The following TMEM154 variants were observed in gnomAD, a reference collection of about 807,000 sequenced individuals.
TMEM154 encodes the protein transmembrane protein 154.
Under a neutral mutation model 24.5 loss-of-function variants are expected in TMEM154, and 27 were observed. That is an observed-to-expected ratio of 1.10 (90% CI 0.81 to 1.52). The LOEUF is 1.52. Among genes scored for constraint, TMEM154 ranks in the 40% most tolerant of loss-of-function variants. The pLI is 0.00. For missense variants in TMEM154, 228 were observed against 213.4 expected, an observed-to-expected ratio of 1.07 and a Z score of -0.43; for synonymous variants, 67 against 76.8, an observed-to-expected ratio of 0.87 and a Z score of 0.67.
chr4:152,642,981 T>A (rs576111336), intron 5 of TMEM154, 107 bp downstream of exon 5: 5 of 800,086 alleles, frequency 6.2e-6, no homozygotes, highest in Non-Finnish European at 1.0e-5. Context: ...AATGTGGGAT[T>A]GGGTTCTTCT....
Position 152,679,979 on chromosome 4 carries a change from T to C in TMEM154, c.-46A>G. On this transcript the variant is annotated 5_prime_UTR_variant, in exon 1 of 7. Coordinates refer to ENST00000304385, the MANE Select transcript of TMEM154 (RefSeq NM_152680.3). Reference sequence around the variant, plus strand: ...GCGCGCTCAGGATGCTGCGCCGGGCTGCAGCCTCTCTGAAACGTGAACATT... The same window carrying C: ...GCGCGCTCAGGATGCTGCGCCGGGCCGCAGCCTCTCTGAAACGTGAACATT... 6.5e-7 allele frequency: 1 copy of C among 1,547,648 alleles called. No individual in the cohort carries two copies. Among genetic ancestry groups the C allele is most frequent in the Non-Finnish European group, 8.8e-7 (1 of 1,133,114 alleles).
intron 3 of TMEM154, among the ~76,000 whole-genome samples, chr4:152,650,571 C>G (rs1728357951): frequency 6.6e-6 from 1 of 152,172 alleles, no homozygotes; most frequent in African/African-American, 2.4e-5. Flanking sequence ...GTCTTGGAAT[C>G]AACGTCTTCC....
intron 1 of TMEM154, among the ~76,000 whole-genome samples, chr4:152,665,245 C>T (rs1442725492): frequency 3.3e-5 from 5 of 152,136 alleles, no homozygotes; most frequent in Admixed American, 6.5e-5. Context: ...GGGGTAGAAC[C>T]CAGGTCTCAA....
chr4:152,644,536 G>C, intron 3 of TMEM154, 94 bp from the exon 4 acceptor site: 2 of 1,224,132 alleles, frequency 1.6e-6, no homozygotes, highest in South Asian at 2.5e-5. Context: ...TACAAAGAGA[G>C]CAAAATGACA....
intron 6 of TMEM154, among the ~76,000 whole-genome samples, chr4:152,639,591 C>G (rs1358471467): frequency 1.3e-5 from 2 of 151,472 alleles, no homozygotes; most frequent in Admixed American, 6.6e-5. Context: ...TCTCTCTCCC[C>G]CTCTCTCTCC....
At chr4:152,667,511 C>A (rs533423161) in intron 1 of TMEM154, among the ~76,000 whole-genome samples, 1 of 152,154 alleles carries the variant, frequency 6.6e-6, no homozygotes, top group East Asian at 1.9e-4. Flanking sequence ...GAGCAGGACT[C>A]GAGAAGAGGA....
At chr4:152,654,938 T>C (rs369948454) in intron 1 of TMEM154, among the ~76,000 whole-genome samples, 1 of 152,182 alleles carries the variant, frequency 6.6e-6, no homozygotes, top group Admixed American at 6.5e-5. Flanking sequence ...ATAATCCCTT[T>C]AGTAAATGCA....
chr4:152,648,140 A>G (rs1579519559), intron 3 of TMEM154, among the ~76,000 whole-genome samples: 2 of 152,308 alleles, frequency 1.3e-5, no homozygotes, highest in South Asian at 4.1e-4. Flanking sequence ...CACAGAAGAG[A>G]TGGTAATTAA....
At chr4:152,656,857 G>A (rs1317885351) in intron 1 of TMEM154, among the ~76,000 whole-genome samples, 3 of 151,808 alleles carry the variant, frequency 2.0e-5, no homozygotes, top group Non-Finnish European at 4.4e-5. Context: ...GGAGGTGGAG[G>A]TTGCGGTGAG....
intron 6 of TMEM154, among the ~76,000 whole-genome samples, chr4:152,632,292 A>G (rs1752060653): frequency 6.6e-6 from 1 of 152,060 alleles, no homozygotes; most frequent in Non-Finnish European, 1.5e-5. Flanking sequence ...TTCCCCCCAA[A>G]TGTTAGTCAG....
intron 1 of TMEM154, 62 bp downstream of exon 1, chr4:152,679,808 T>C: frequency 6.4e-7 from 1 of 1,567,970 alleles, no homozygotes. Context: ...TTCTGTAGCC[T>C]CGGGCACCCT....
chr4:152,633,289 C>T (rs1752085774), intron 6 of TMEM154, among the ~76,000 whole-genome samples: 1 of 152,216 alleles, frequency 6.6e-6, no homozygotes, highest in Non-Finnish European at 1.5e-5. Flanking sequence ...GGACATCAGG[C>T]CACTCCCAGA....
Position 152,618,929 on chromosome 4 carries a change from T to C in TMEM154, c.*9617A>G, listed in dbSNP as rs1220303789. On this transcript the variant is annotated 3_prime_UTR_variant, in exon 7 of 7. Coordinates refer to ENST00000304385, the MANE Select transcript of TMEM154 (RefSeq NM_152680.3). ...GAAAATGGTGATGGAAGATGAACAA[T>C]ACCATATTTGAGTTCTGCACTCACT... The C allele has an allele frequency of 6.6e-6, 1 of 152,196 alleles. No individual in the cohort carries two copies. Among genetic ancestry groups the C allele is most frequent in the East Asian group, 1.9e-4 (1 of 5,192 alleles). The allele number at this position is 152,196 out of a possible 1,614,324, so 9.4% of individuals were successfully genotyped here.
Position 152,652,766 on chromosome 4 carries a change from ACT to A in TMEM154, c.224_225del (p.Glu75ValfsTer27), listed in dbSNP as rs1728412065. 3 of 1,613,812 alleles carry A rather than the reference ACT, an allele frequency of 1.9e-6. No homozygotes were observed. The highest frequency in any genetic ancestry group is 1.1e-5 in the South Asian group (1 of 91,078). ...TNFAPDENQL[E>X]FILMVLIPLI... ...AATGGGATTAACACCATCAGTATAA[ACT>A]CTAACTGATTTTCATCCGGAGCAAA... On this transcript the variant is annotated frameshift_variant, in exon 2 of 7. Transcript: ENST00000304385. LOFTEE classifies it high-confidence loss of function.
At chr4:152,636,914 A>T (rs1185449270) in intron 6 of TMEM154, among the ~76,000 whole-genome samples, 11 of 152,216 alleles carry the variant, frequency 7.2e-5, no homozygotes. Context: ...TGACTGTTAC[A>T]TACTTTCTGA....
At chr4:152,655,550 G>A (rs1728474060) in intron 1 of TMEM154, among the ~76,000 whole-genome samples, 1 of 152,122 alleles carries the variant, frequency 6.6e-6, no homozygotes, top group Non-Finnish European at 1.5e-5. Context: ...CATGTCTCTG[G>A]AGCTCCTGCC....
intron 1 of TMEM154, among the ~76,000 whole-genome samples, chr4:152,664,716 A>G (rs1422260136): frequency 6.6e-6 from 1 of 152,254 alleles, no homozygotes; most frequent in African/African-American, 2.4e-5. Flanking sequence ...ATGTTGGACC[A>G]CAGTCAGATG....
chr4:152,657,984 G>A (rs1016859293), intron 1 of TMEM154, among the ~76,000 whole-genome samples: 1 of 152,176 alleles, frequency 6.6e-6, no homozygotes, highest in African/African-American at 2.4e-5. Context: ...GCTTAAGGGA[G>A]TCCACTGAGA....
chr4:152,656,676 T>G (rs1372994594), intron 1 of TMEM154, among the ~76,000 whole-genome samples: 3 of 151,606 alleles, frequency 2.0e-5, no homozygotes, highest in Admixed American at 2.0e-4. Flanking sequence ...AATCCCAGCA[T>G]TTTGGGAGGC....
Sources: allele counts gnomAD v4.1 joint callset (sites outside exome capture counted in the v4.1 genomes callset), GRCh38; gene constraint gnomAD v4.1.1; transcripts MANE v1.5; gene names NCBI Gene and HGNC (gene_info 2026-07-23, HGNC 2026-07-21).